CTNNA2: variants seen among roughly 807,000 people sequenced by gnomAD.
CTNNA2 encodes catenin alpha 2, also known as catenin alpha-2.
A neutral mutation model predicts 101.0 loss-of-function variants in CTNNA2; 42 were observed. That is an observed-to-expected ratio of 0.42 (90% CI 0.32 to 0.54). CTNNA2 has a LOEUF of 0.54. Among genes scored for constraint, CTNNA2 ranks in the 20% least tolerant of loss-of-function variants. The probability of loss-of-function intolerance (pLI) is 0.14; values close to 1 mark genes in which losing one functional copy is unlikely to be tolerated. For missense variants in CTNNA2, 871 were observed against 1,223.1 expected (o/e 0.71, Z 4.29); for synonymous variants, 450 against 456.4 (o/e 0.99, Z 0.18).
At chr2:79,395,051 T>C (rs1464328941) in intron 4 of CTNNA2, among the ~76,000 whole-genome samples, 2 of 152,130 alleles carry the variant, frequency 1.3e-5, no homozygotes, top group Non-Finnish European at 2.9e-5. Context: ...TGTGATAGAT[T>C]CGTTGCTAAG....
intron 2 of CTNNA2, among the ~76,000 whole-genome samples, chr2:79,311,966 A>G (rs891026002): frequency 9.9e-5 from 15 of 152,102 alleles, no homozygotes; most frequent in African/African-American, 2.9e-4. Flanking sequence ...ACAGTGGGAC[A>G]ATCATGGCTC....
chr2:79,623,331 A>G (rs1679108625), intron 1 of CTNNA2, among the ~76,000 whole-genome samples: 1 of 152,168 alleles, frequency 6.6e-6, no homozygotes, highest in Non-Finnish European at 1.5e-5. Context: ...GTTATTCATA[A>G]AGACTTGAGC....
intron 7 of CTNNA2, among the ~76,000 whole-genome samples, chr2:79,982,234 ATATATATGTATGTATATG>A (rs1691358988): frequency 1.0e-5 from 1 of 96,034 alleles, no homozygotes; most frequent in African/African-American, 4.5e-5. Flanking sequence ...ATATATATAT[ATATATATGTATGTATATG>A]TACACACACA....
chr2:79,524,191 C>G (rs1366677165), intron 1 of CTNNA2, among the ~76,000 whole-genome samples: 1 of 151,926 alleles, frequency 6.6e-6, no homozygotes, highest in Non-Finnish European at 1.5e-5. Context: ...TGACAACTCT[C>G]AATTCATAAT....
rs150625633 is a variant in CTNNA2 at position 80,150,978 on chromosome 2, G to A, written c.1056+241181G>A. The stretch of plus-strand genomic sequence containing the variant: ...CTCCTCAGGTGAAGTTGAAAGCTCA[G>A]CCTGTTGCCCACGAGGTTAGCTGTC... On this transcript the variant is annotated intron_variant, in intron 7 of 18. Transcript: ENST00000402739. Among the ~76,000 whole-genome samples, 1,054 of 152,306 alleles carry A rather than the reference G, an allele frequency of 6.9e-3. 5 individuals are homozygous for A. The highest frequency in any genetic ancestry group is 8.9e-3 in the Non-Finnish European group (603 of 68,020).
chr2:79,486,022 T>A (rs2104560171), intron 4 of CTNNA2, among the ~76,000 whole-genome samples: 1 of 152,262 alleles, frequency 6.6e-6, no homozygotes, highest in East Asian at 1.9e-4. Flanking sequence ...CAATTAAGAA[T>A]AATTAGGACT....
chr2:79,862,058 A>T (rs1158554479), intron 4 of CTNNA2, among the ~76,000 whole-genome samples: 1 of 152,162 alleles, frequency 6.6e-6, no homozygotes, highest in Non-Finnish European at 1.5e-5. Flanking sequence ...TAGGCTCTGA[A>T]CTAGTGTAAT....
chr2:80,508,019 CCTTTGCCA>C (rs1268303694), intron 9 of CTNNA2, among the ~76,000 whole-genome samples: 1 of 152,260 alleles, frequency 6.6e-6, no homozygotes, highest in South Asian at 2.1e-4. Flanking sequence ...AGCAATGAAG[CCTTTGCCA>C]CTTTAGAAAA....
At chr2:79,464,880 A>T (rs375919199) in intron 4 of CTNNA2, among the ~76,000 whole-genome samples, 1 of 152,022 alleles carries the variant, frequency 6.6e-6, no homozygotes, top group Non-Finnish European at 1.5e-5. Flanking sequence ...ATTCTGGATA[A>T]TAGCCCTTTG....
At chr2:79,972,812 C>T (rs1182011492) in intron 7 of CTNNA2, among the ~76,000 whole-genome samples, 1 of 152,136 alleles carries the variant, frequency 6.6e-6, no homozygotes, top group East Asian at 1.9e-4. Context: ...GGTGCTATGG[C>T]AGCCCTCGTT....
At chr2:79,497,518 C>T (rs766357490) in intron 4 of CTNNA2, among the ~76,000 whole-genome samples, 4 of 152,118 alleles carry the variant, frequency 2.6e-5, no homozygotes, top group East Asian at 1.9e-4. Context: ...CTCTGTACAG[C>T]GTAATGTTAC....
chr2:80,321,648 G>A (rs1251005729), intron 7 of CTNNA2, among the ~76,000 whole-genome samples: 1 of 152,084 alleles, frequency 6.6e-6, no homozygotes, highest in African/African-American at 2.4e-5. Context: ...TAAACAATCT[G>A]TCTTTTCTGA....
chr2:80,574,345 T>A, intron 13 of CTNNA2, 31 bp downstream of exon 13: 2 of 1,548,738 alleles, frequency 1.3e-6, no homozygotes, highest in Non-Finnish European at 1.8e-6. Flanking sequence ...TCAGAGCTGG[T>A]CAGATCTCCT....
At chr2:79,663,572 C>CCTTA (rs1682189690) in intron 2 of CTNNA2, among the ~76,000 whole-genome samples, 1 of 152,168 alleles carries the variant, frequency 6.6e-6, no homozygotes, top group Admixed American at 6.5e-5. Context: ...TGACTGGCTC[C>CCTTA]CTTACATCTT....
At chr2:79,889,456 T>C (rs1046274774) in intron 6 of CTNNA2, among the ~76,000 whole-genome samples, 6 of 152,174 alleles carry the variant, frequency 3.9e-5, no homozygotes, top group Non-Finnish European at 7.3e-5. Context: ...AGAACATAAA[T>C]AGTCGGTTGT....
chr2:80,053,973 A>G (rs932272524), intron 7 of CTNNA2, among the ~76,000 whole-genome samples: 1 of 152,260 alleles, frequency 6.6e-6, no homozygotes, highest in African/African-American at 2.4e-5. Flanking sequence ...GTTTACAAGT[A>G]TTCATTTTAC....
At chr2:79,444,375 C>T (rs1263352158) in intron 4 of CTNNA2, among the ~76,000 whole-genome samples, 1 of 151,982 alleles carries the variant, frequency 6.6e-6, no homozygotes, top group Non-Finnish European at 1.5e-5. Context: ...CACAAAGAAA[C>T]TGAAGAAATA....
intron 7 of CTNNA2, among the ~76,000 whole-genome samples, chr2:80,043,236 C>T (rs1318263044): frequency 7.5e-6 from 1 of 133,882 alleles, no homozygotes; most frequent in Non-Finnish European, 1.5e-5. Flanking sequence ...CTTGCTCTGT[C>T]ACCCAGGCTG....
intron 7 of CTNNA2, among the ~76,000 whole-genome samples, chr2:80,198,518 T>C (rs1185373995): frequency 5.9e-5 from 9 of 152,198 alleles, no homozygotes; most frequent in Non-Finnish European, 1.3e-4. Flanking sequence ...AACCATAATA[T>C]TCACCTCTCT....
Sources: allele counts gnomAD v4.1 joint callset (sites outside exome capture counted in the v4.1 genomes callset), GRCh38; gene constraint gnomAD v4.1.1; transcripts MANE v1.5; gene names NCBI Gene and HGNC (gene_info 2026-07-23, HGNC 2026-07-21).